Variants in CNTN1 observed in about 807,000 individuals in gnomAD.
CNTN1 encodes contactin-1.
A neutral mutation model predicts 126.4 loss-of-function variants in CNTN1; 38 were observed. That is an observed-to-expected ratio of 0.30 (90% confidence interval 0.23 to 0.39). The LOEUF is 0.39. CNTN1 is among the 10% of genes least tolerant of loss of function. The probability of loss-of-function intolerance (pLI) is 1.00; values close to 1 mark genes in which losing one functional copy is unlikely to be tolerated. For missense variants in CNTN1, 1,009 were observed against 1,248.4 expected (o/e 0.81, Z 2.89); for synonymous variants, 413 against 422.6 (o/e 0.98, Z 0.28).
intron 17 of CNTN1, among the ~76,000 whole-genome samples, chr12:41,003,350 AT>A (rs905102119): frequency 1.3e-5 from 2 of 150,752 alleles, no homozygotes; most frequent in Non-Finnish European, 1.5e-5. Context: ...TTTGCCAGTT[AT>A]TTTTTTTTGA....
chr12:40,933,721 G>C lies in CNTN1; in HGVS notation c.828G>C (p.Arg276=), dbSNP rs771359796. The C allele has an allele frequency of 6.2e-7, 1 of 1,612,750 alleles. No homozygotes were observed. Residue 276 remains arginine, a synonymous_variant, in exon 9 of 24, where the codon CGG becomes CGC. Transcript: ENST00000551295. ...GTCCTGTTCCGGATATCCGATGGCG[G>C]AAGGTTCTAGAACCAATGCCAAGCA... The part of the protein sequence containing the change: ...LGNPVPDIRW[R]KVLEPMPSTA...
intron 1 of CNTN1, among the ~76,000 whole-genome samples, chr12:40,854,909 T>C (rs976544329): frequency 1.3e-5 from 2 of 152,040 alleles, no homozygotes; most frequent in African/African-American, 4.8e-5. Flanking sequence ...GGCTGAAAAG[T>C]CCTGTAGTTC....
intron 1 of CNTN1, among the ~76,000 whole-genome samples, chr12:40,705,750 G>A (rs550245338): frequency 7.3e-4 from 111 of 152,216 alleles, no homozygotes; most frequent in African/African-American, 2.6e-3. Context: ...ATTGACCCAC[G>A]GTTCTGCAGG....
chr12:41,040,168 G>C (rs774959923), intron 23 of CNTN1, among the ~76,000 whole-genome samples: 8 of 152,072 alleles, frequency 5.3e-5, no homozygotes, highest in Admixed American at 2.6e-4. Context: ...GCTTTTAACA[G>C]AAGCTCCTCA....
At chr12:41,016,601 G>T in intron 18 of CNTN1, 81 bp from the exon 19 acceptor site, 2 of 874,256 alleles carry the variant, frequency 2.3e-6, no homozygotes, top group Non-Finnish European at 3.9e-6. Context: ...GCACGCCTCC[G>T]TGTGTGTCAT....
chr12:40,869,577 C>CT (rs1565860532), intron 1 of CNTN1, among the ~76,000 whole-genome samples: 1 of 152,018 alleles, frequency 6.6e-6, no homozygotes. Flanking sequence ...GTCTTCATTC[C>CT]TTTTTTATAT....
intron 1 of CNTN1, among the ~76,000 whole-genome samples, chr12:40,715,093 C>T (rs1029967218): frequency 6.6e-6 from 1 of 152,136 alleles, no homozygotes; most frequent in African/African-American, 2.4e-5. Flanking sequence ...TTTAGATTTC[C>T]TCTAAGCCCA....
At chr12:41,069,315 T>C (rs1397757366) in intron 23 of CNTN1, among the ~76,000 whole-genome samples, 2 of 152,244 alleles carry the variant, frequency 1.3e-5, no homozygotes. Context: ...AGTCATTCTG[T>C]ATAAATGTAT....
intron 1 of CNTN1, among the ~76,000 whole-genome samples, chr12:40,720,500 T>C (rs1942173818): frequency 6.6e-6 from 1 of 152,294 alleles, no homozygotes; most frequent in Admixed American, 6.5e-5. Context: ...ATTTCGTTTA[T>C]GTGACTGTTT....
At chr12:41,036,925 A>G (rs1306127309) in intron 23 of CNTN1, among the ~76,000 whole-genome samples, 1 of 152,168 alleles carries the variant, frequency 6.6e-6, no homozygotes, top group East Asian at 1.9e-4. Flanking sequence ...CCTTTTAAAA[A>G]TCTTTGTTAA....
intron 15 of CNTN1, among the ~76,000 whole-genome samples, chr12:40,965,546 C>A (rs1025268591): frequency 1.3e-5 from 2 of 152,094 alleles, no homozygotes; most frequent in African/African-American, 4.8e-5. Flanking sequence ...TATGCTAATA[C>A]AAAATATATA....
chr12:40,735,287 T>C (rs1270502812), intron 1 of CNTN1, among the ~76,000 whole-genome samples: 1 of 152,104 alleles, frequency 6.6e-6, no homozygotes, highest in East Asian at 1.9e-4. Context: ...TATTTAGAAG[T>C]GACAAGAAAC....
At chr12:40,860,917 G>C (rs1043377894) in intron 1 of CNTN1, among the ~76,000 whole-genome samples, 2 of 151,880 alleles carry the variant, frequency 1.3e-5, no homozygotes, top group Non-Finnish European at 2.9e-5. Flanking sequence ...GCTATCTAGG[G>C]GCCCACAAAG....
chr12:40,999,352 T>A (rs2120577511), intron 17 of CNTN1, among the ~76,000 whole-genome samples: 1 of 152,334 alleles, frequency 6.6e-6, no homozygotes, highest in African/African-American at 2.4e-5. Context: ...AAATTCTTTT[T>A]AATGATTTAT....
chr12:40,718,316 G>A (rs944879132), intron 1 of CNTN1, among the ~76,000 whole-genome samples: 2 of 152,030 alleles, frequency 1.3e-5, no homozygotes, highest in African/African-American at 2.4e-5. Context: ...CTACAGGCAC[G>A]TGCTACCATG....
At chr12:41,009,109 G>T (rs1241073946) in intron 17 of CNTN1, among the ~76,000 whole-genome samples, 2 of 152,176 alleles carry the variant, frequency 1.3e-5, no homozygotes, top group African/African-American at 4.8e-5. Flanking sequence ...ATTTTCTAGG[G>T]GAGTTTCCCT....
At chr12:40,770,869 A>C (rs1939311738) in intron 1 of CNTN1, among the ~76,000 whole-genome samples, 1 of 152,088 alleles carries the variant, frequency 6.6e-6, no homozygotes. Context: ...TAAATATAAA[A>C]TATGAAGCTA....
At chr12:41,069,522 G>A (rs1950120393) in intron 23 of CNTN1, among the ~76,000 whole-genome samples, 2 of 151,916 alleles carry the variant, frequency 1.3e-5, no homozygotes, top group African/African-American at 4.8e-5. Context: ...TGCCATGTTG[G>A]TGTGCTGCAC....
chr12:40,824,769 T>C (rs1487529087), intron 1 of CNTN1, among the ~76,000 whole-genome samples: 1 of 152,150 alleles, frequency 6.6e-6, no homozygotes, highest in Non-Finnish European at 1.5e-5. Flanking sequence ...TAAACCCCTG[T>C]GTCTTTAAAT....
Sources: allele counts gnomAD v4.1 joint callset (sites outside exome capture counted in the v4.1 genomes callset), GRCh38; gene constraint gnomAD v4.1.1; transcripts MANE v1.5; gene names NCBI Gene and HGNC (gene_info 2026-07-23, HGNC 2026-07-21).